The following SLC13A1 variants were observed in gnomAD, a reference collection of about 807,000 sequenced individuals.
SLC13A1 encodes the protein solute carrier family 13 member 1, also known as Na(+)/sulfate cotransporter.
In SLC13A1, 65 loss-of-function variants were observed where a neutral mutation model predicts 70.0. The ratio of observed to expected loss-of-function variants is 0.93; its 90% CI spans 0.76 to 1.14. The LOEUF (loss-of-function observed/expected upper bound fraction) is 1.14, where lower values mean the gene tolerates loss of function less well. Ranked by LOEUF, SLC13A1 falls within the 50% of genes most tolerant of loss-of-function variation. The pLI is 0.00. For missense variants in SLC13A1, 726 were observed against 717.8 expected (o/e 1.01, Z -0.13); for synonymous variants, 275 against 250.5 (o/e 1.10, Z -0.92).
intron 2 of SLC13A1, among the ~76,000 whole-genome samples, chr7:123,180,080 C>T (rs1308549026): frequency 6.6e-6 from 1 of 152,054 alleles, no homozygotes; most frequent in East Asian, 1.9e-4. Flanking sequence ...AAAGAAAAGA[C>T]TCGAAGTTAG....
At chr7:123,137,196 CTG>C (rs1491085063) in intron 7 of SLC13A1, among the ~76,000 whole-genome samples, 2 of 151,930 alleles carry the variant, frequency 1.3e-5, no homozygotes, top group East Asian at 1.9e-4. Flanking sequence ...AGAGTGGAAA[CTG>C]TGTGATGTTC....
chr7:123,169,387 C>A, intron 3 of SLC13A1, 52 bp from the exon 4 acceptor site: 1 of 1,502,736 alleles, frequency 6.7e-7, no homozygotes, highest in Non-Finnish European at 9.1e-7. Context: ...TTAACTAGCA[C>A]CGTATTATTT....
chr7:123,188,597 T>G, intron 1 of SLC13A1, among the ~76,000 whole-genome samples: 2 of 152,216 alleles, frequency 1.3e-5, no homozygotes, highest in South Asian at 2.1e-4. Flanking sequence ...TCTTTTTCAT[T>G]TTTCTGTTGG....
intron 6 of SLC13A1, among the ~76,000 whole-genome samples, chr7:123,164,274 T>C (rs2116515049): frequency 6.6e-6 from 1 of 152,102 alleles, no homozygotes; most frequent in African/African-American, 2.4e-5. Context: ...CATTATTATT[T>C]TTTTCTACTT....
chr7:123,198,524 G>T (rs1158388698), intron 1 of SLC13A1, among the ~76,000 whole-genome samples: 1 of 151,988 alleles, frequency 6.6e-6, no homozygotes, highest in Non-Finnish European at 1.5e-5. Flanking sequence ...AGCCAAGAAT[G>T]CTGCAGCTAG....
At chr7:123,188,532 T>C (rs1269641416) in intron 1 of SLC13A1, among the ~76,000 whole-genome samples, 1 of 152,192 alleles carries the variant, frequency 6.6e-6, no homozygotes, top group East Asian at 1.9e-4. Context: ...CAGTGGAGTA[T>C]TTTCACAGTT....
intron 6 of SLC13A1, among the ~76,000 whole-genome samples, chr7:123,164,725 G>A (rs1390825546): frequency 6.6e-6 from 1 of 151,714 alleles, no homozygotes; most frequent in Non-Finnish European, 1.5e-5. Flanking sequence ...ATATCAAAAA[G>A]TTAGAAAGAC....
At position 123,134,436 on chromosome 7, in the gene SLC13A1, C is replaced by A. The variant is rs1318136982; in HGVS notation, c.906G>T (p.Trp302Cys). The A allele has an allele frequency of 6.2e-7, 1 of 1,613,032 alleles. No homozygotes were observed. Among genetic ancestry groups the A allele is most frequent in the Admixed American group, 1.7e-5 (1 of 59,932 alleles). ...ALIILLLSWI[W>C]LQWLFLGFNF... is the part of the protein sequence containing the mutation. The stretch of plus-strand genomic sequence containing the variant: ...TGAATCCTAGGAAAAGCCACTGAAG[C>A]CAGATCCAGGATAAGAGTAGAATGA... The change falls in exon 8 of 15, where the codon TGG becomes TGT. Residue 302 changes from tryptophan (W) to cysteine (C), a missense_variant. Trp to Cys is a radical substitution (Grantham distance 215). Transcript: ENST00000194130.
chr7:123,136,598 C>G (rs1793956033), intron 7 of SLC13A1, among the ~76,000 whole-genome samples: 1 of 152,130 alleles, frequency 6.6e-6, no homozygotes, highest in African/African-American at 2.4e-5. Context: ...TTACCTAACA[C>G]TGTTTGGTAT....
chr7:123,157,984 G>C (rs979012734), intron 6 of SLC13A1, among the ~76,000 whole-genome samples: 19 of 151,892 alleles, frequency 1.3e-4, no homozygotes, highest in African/African-American at 4.3e-4. Context: ...TTTTCTTAAA[G>C]CACTAATTTA....
chr7:123,116,478 G>T (rs935030055), intron 14 of SLC13A1, among the ~76,000 whole-genome samples: 1 of 152,128 alleles, frequency 6.6e-6, no homozygotes, highest in Admixed American at 6.5e-5. Flanking sequence ...GCTTACTCCT[G>T]CATTCTCTGC....
At chr7:123,191,759 T>C (rs912151788) in intron 1 of SLC13A1, among the ~76,000 whole-genome samples, 6 of 152,172 alleles carry the variant, frequency 3.9e-5, no homozygotes, top group Non-Finnish European at 8.8e-5. Flanking sequence ...TGTAATTCCA[T>C]GCTGAACTAA....
At chr7:123,172,985 T>G (rs1345099802) in intron 2 of SLC13A1, among the ~76,000 whole-genome samples, 1 of 152,154 alleles carries the variant, frequency 6.6e-6, no homozygotes, top group East Asian at 1.9e-4. Flanking sequence ...TTTTATTTAA[T>G]TTTTAGGTGG....
chr7:123,129,513 A>G (rs1478891404), intron 8 of SLC13A1, 32 bp from the exon 9 acceptor site: 1 of 1,546,134 alleles, frequency 6.5e-7, no homozygotes, highest in Non-Finnish European at 8.9e-7. Flanking sequence ...GTAAGCAAGA[A>G]ATTCTTTTAC....
chr7:123,180,997 C>G lies in SLC13A1; in HGVS notation c.204G>C (p.Met68Ile), dbSNP rs1301051863. Residue 68 changes from methionine to isoleucine, a missense_variant, in exon 2 of 15, where the codon ATG becomes ATC. Met to Ile is a conservative substitution (Grantham distance 10). Coordinates refer to ENST00000194130, the MANE Select transcript of SLC13A1 (RefSeq NM_022444.4). ...TALLPSLMLP[M>I]FGIMPSKKVA... is the part of the protein sequence containing the mutation. ...CCTTCTTAGAAGGCATGATCCCAAA[C>G]ATGGGTAACATTAAACTAGGTAGCA... is the stretch of plus-strand genomic sequence containing the variant. The G allele has an allele frequency of 2.5e-6, 4 of 1,612,264 alleles. No individual in the cohort carries two copies.
At chr7:123,164,470 A>G (rs1398665469) in intron 6 of SLC13A1, among the ~76,000 whole-genome samples, 3 of 151,952 alleles carry the variant, frequency 2.0e-5, no homozygotes, top group Non-Finnish European at 4.4e-5. Flanking sequence ...TACTAAATAA[A>G]TGGTGCTTCA....
At chr7:123,117,637 G>A in intron 13 of SLC13A1, 29 bp from the exon 14 acceptor site, 6 of 1,451,250 alleles carry the variant, frequency 4.1e-6, no homozygotes, top group Non-Finnish European at 5.5e-6. Context: ...AAGAGTCTAA[G>A]TAAAATTTTG....
chr7:123,152,966 T>C (rs997398188), intron 6 of SLC13A1, among the ~76,000 whole-genome samples: 1 of 152,020 alleles, frequency 6.6e-6, no homozygotes, highest in Non-Finnish European at 1.5e-5. Flanking sequence ...AACCAGAAAG[T>C]GATGCATAAT....
chr7:123,116,248 A>T (rs4501520), intron 14 of SLC13A1, among the ~76,000 whole-genome samples: 2,164 of 152,256 alleles, frequency 0.014, 57 homozygotes, highest in African/African-American at 0.049. Context: ...AGTCCATTAA[A>T]CAATCTCAGA....
Sources: allele counts gnomAD v4.1 joint callset (sites outside exome capture counted in the v4.1 genomes callset), GRCh38; gene constraint gnomAD v4.1.1; transcripts MANE v1.5; gene names NCBI Gene and HGNC (gene_info 2026-07-23, HGNC 2026-07-21).